The following ASCC3 variants were observed in gnomAD, a reference collection of about 807,000 sequenced individuals.
ASCC3 encodes activating signal cointegrator 1 complex subunit 3.
Under a neutral mutation model 256.3 loss-of-function variants are expected in ASCC3, and 158 were observed. The observed-to-expected ratio is 0.62, with a 90% CI of 0.54 to 0.70. The LOEUF (loss-of-function observed/expected upper bound fraction) is 0.70, where lower values mean the gene tolerates loss of function less well. Ranked by LOEUF, ASCC3 falls within the 30% of genes least tolerant of loss-of-function variation. ASCC3 has a pLI of 0.00. For synonymous variants in ASCC3, 948 were observed against 883.4 expected (o/e 1.07, Z -1.30); for missense variants, 2,259 against 2,626.0 (o/e 0.86, Z 3.05).
intron 13 of ASCC3, among the ~76,000 whole-genome samples, chr6:100,705,871 T>C (rs1316090726): frequency 1.3e-5 from 2 of 151,978 alleles, no homozygotes; most frequent in Admixed American, 6.6e-5. Flanking sequence ...AAATATGTAA[T>C]TGGCTGCTTA....
At chr6:100,817,914 G>A (rs1046338617) in intron 4 of ASCC3, among the ~76,000 whole-genome samples, 3 of 152,130 alleles carry the variant, frequency 2.0e-5, no homozygotes, top group African/African-American at 7.2e-5. Context: ...TTTTAGGACA[G>A]TATTACTCTG....
At chr6:100,828,147 T>C (rs1771421699) in intron 4 of ASCC3, among the ~76,000 whole-genome samples, 1 of 145,478 alleles carries the variant, frequency 6.9e-6, no homozygotes, top group Admixed American at 6.8e-5. Context: ...ATTTAGTAAC[T>C]CATATTAATA....
chr6:100,626,689 C>T (rs1774253901), intron 29 of ASCC3, among the ~76,000 whole-genome samples: 1 of 151,920 alleles, frequency 6.6e-6, no homozygotes, highest in Non-Finnish European at 1.5e-5. Flanking sequence ...CAGAATGTTA[C>T]AGAATGTAAA....
intron 8 of ASCC3, among the ~76,000 whole-genome samples, chr6:100,782,856 T>A (rs1342775867): frequency 2.0e-5 from 3 of 152,120 alleles, no homozygotes; most frequent in African/African-American, 7.2e-5. Context: ...ATTATTTATA[T>A]TTGCTTGCAG....
At chr6:100,873,431 C>G (rs369134013) in intron 1 of ASCC3, among the ~76,000 whole-genome samples, 5 of 152,224 alleles carry the variant, frequency 3.3e-5, no homozygotes, top group African/African-American at 7.2e-5. Flanking sequence ...GAAGAGAAAT[C>G]TAAACGTTTG....
At chr6:100,591,564 T>C (rs2114775506) in intron 34 of ASCC3, among the ~76,000 whole-genome samples, 1 of 152,134 alleles carries the variant, frequency 6.6e-6, no homozygotes, top group Admixed American at 6.6e-5. Context: ...AAAACACTAG[T>C]CAAAATGTGC....
intron 10 of ASCC3, among the ~76,000 whole-genome samples, chr6:100,752,601 A>G (rs1441230658): frequency 6.6e-6 from 1 of 152,156 alleles, no homozygotes; most frequent in African/African-American, 2.4e-5. Context: ...CTGCTAGGAA[A>G]GTTATTTTGG....
intron 34 of ASCC3, among the ~76,000 whole-genome samples, chr6:100,599,914 A>G (rs939161141): frequency 7.2e-5 from 11 of 152,118 alleles, no homozygotes; most frequent in African/African-American, 2.7e-4. Flanking sequence ...TATATTCTTT[A>G]TAATTAATAC....
In ASCC3 at chr6:100,848,694, A is replaced by G; in HGVS notation, c.255T>C (p.Asn85=). 6.2e-7 allele frequency: 1 copy of G among 1,612,392 alleles called. No individual in the cohort carries two copies. Among genetic ancestry groups the G allele is most frequent in the Non-Finnish European group, 8.5e-7 (1 of 1,179,988 alleles). ...CCCCACTTTCAATTGCTTCTCTCCC[A>G]TTATCAGTTCCAACTATTCAAAGAC... ...HAAKQIVGTD[N]GREAIESGAA... Residue 85 remains asparagine, a synonymous_variant, in exon 4 of 42, where the codon AAT becomes AAC. Coordinates refer to ENST00000369162, the MANE Select transcript of ASCC3 (RefSeq NM_006828.4).
intron 22 of ASCC3, among the ~76,000 whole-genome samples, chr6:100,644,830 G>T (rs993223832): frequency 2.0e-5 from 3 of 152,172 alleles, no homozygotes; most frequent in African/African-American, 7.2e-5. Context: ...TTCTGGGCTG[G>T]AGAAGTGGGG....
At chr6:100,749,847 T>C (rs1404261657) in intron 10 of ASCC3, among the ~76,000 whole-genome samples, 2 of 151,582 alleles carry the variant, frequency 1.3e-5, no homozygotes. Context: ...TACTGATATA[T>C]AGAAATAAAT....
In ASCC3 at chr6:100,605,541, AT is replaced by A. The variant is rs773207594; in HGVS notation, c.5177+26del. 4 of 1,423,906 alleles carry A rather than the reference AT, an allele frequency of 2.8e-6. No individual in the cohort carries two copies. The East Asian group carries it at 6.9e-5, about 24-fold the overall frequency. The allele number at this position is 1,423,906 out of a possible 1,614,324, so 88.2% of individuals were successfully genotyped here. A position where few individuals can be genotyped will look rare whatever the true frequency, so the allele number is the denominator to read the frequency against. On this transcript the variant is annotated intron_variant, in intron 33 of 41. Coordinates refer to ENST00000369162, the MANE Select transcript of ASCC3 (RefSeq NM_006828.4). ...CACCAACTTGTGATTAAATAAATCCATTTAAACTAATTTAAATAAGATTTAC... is the reference window on the plus strand; with the variant it reads ...CACCAACTTGTGATTAAATAAATCCATTAAACTAATTTAAATAAGATTTAC...
At chr6:100,582,873 A>C (rs1582493802) in intron 36 of ASCC3, among the ~76,000 whole-genome samples, 1 of 152,104 alleles carries the variant, frequency 6.6e-6, no homozygotes, top group South Asian at 2.1e-4. Flanking sequence ...GGTTTTGTTT[A>C]TATGCTGGAT....
intron 33 of ASCC3, 136 bp downstream of exon 33, chr6:100,605,432 T>C: frequency 1.5e-6 from 1 of 683,846 alleles, no homozygotes; most frequent in Non-Finnish European, 2.5e-6. Flanking sequence ...CATAAAGTGA[T>C]AATTATATTG....
In ASCC3 at chr6:100,646,856, T is replaced by G. The variant is rs1775407662; in HGVS notation, c.3479-87A>C. Reference sequence around the variant, plus strand: ...CTTGTAAATGGGATTTCAGAGAAGGTGATTTTATTGCTTGTTTTATGATTT... The same window carrying G: ...CTTGTAAATGGGATTTCAGAGAAGGGGATTTTATTGCTTGTTTTATGATTT... On this transcript the variant is annotated intron_variant, in intron 21 of 41. Transcript: ENST00000369162. The G allele has an allele frequency of 7.3e-5, 96 of 1,323,892 alleles. 2 individuals are homozygous for G. In the South Asian group the frequency reaches 1.1e-3, roughly 15 times the overall value. The allele number at this position is 1,323,892 out of a possible 1,614,324, so 82.0% of individuals were successfully genotyped here. A position where few individuals can be genotyped will look rare whatever the true frequency, so the allele number is the denominator to read the frequency against.
In ASCC3 at chr6:100,705,017, T is replaced by C. The variant is rs142333199; in HGVS notation, c.2151+10445A>G. On this transcript the variant is annotated intron_variant, in intron 13 of 41. Transcript: ENST00000369162. ...GGAGGGGAATTATTAGCCGGAATGA[T>C]AAAGCTGTACTTGCATTTGGTAACA... Among the ~76,000 whole-genome samples, 59 of 152,176 alleles carry C rather than the reference T, an allele frequency of 3.9e-4. 2 individuals are homozygous for C. The highest frequency in any genetic ancestry group is 1.4e-3 in the African/African-American group (58 of 41,562).
rs745823211 is a variant in ASCC3, at chr6:100,766,753, T to C, written c.1597-48A>G. 26 of 1,610,032 alleles carry C rather than the reference T, an allele frequency of 1.6e-5. No individual in the cohort carries two copies. The Admixed American group carries it at 3.8e-4, about 24-fold the overall frequency. On this transcript the variant is annotated intron_variant, in intron 9 of 41. Transcript: ENST00000369162. ...TGATTAATGAGCAAAAACTACCATG[T>C]CATTTGTCTTACAGTAGCCAATACA...
intron 10 of ASCC3, among the ~76,000 whole-genome samples, chr6:100,737,850 G>A (rs1361612191): frequency 6.6e-6 from 1 of 152,164 alleles, no homozygotes; most frequent in East Asian, 1.9e-4. Flanking sequence ...CACCAACAGT[G>A]TAAAAGCATT....
At chr6:100,676,307 A>G (rs369482894) in intron 14 of ASCC3, among the ~76,000 whole-genome samples, 40 of 152,356 alleles carry the variant, frequency 2.6e-4, no homozygotes, top group Middle Eastern at 3.4e-3. Flanking sequence ...AAATAACTAG[A>G]ATAGGTATTA....
Sources: allele counts gnomAD v4.1 joint callset (sites outside exome capture counted in the v4.1 genomes callset), GRCh38; gene constraint gnomAD v4.1.1; transcripts MANE v1.5; gene names NCBI Gene and HGNC (gene_info 2026-07-23, HGNC 2026-07-21).